The following COL4A1 variants were observed in gnomAD, a reference collection of about 807,000 sequenced individuals.
COL4A1 encodes the protein collagen alpha-1(IV) chain.
In COL4A1, 40 loss-of-function variants were observed where a neutral mutation model predicts 216.6. The ratio of observed to expected loss-of-function variants is 0.18; its 90% CI spans 0.14 to 0.24. COL4A1 has a LOEUF of 0.24. Among genes scored for constraint, COL4A1 ranks in the 10% least tolerant of loss-of-function variants. COL4A1 has a pLI of 1.00. For synonymous variants in COL4A1, 839 were observed against 810.7 expected, an observed-to-expected ratio of 1.03 and a Z score of -0.59; for missense variants, 1,628 against 2,196.8, an observed-to-expected ratio of 0.74 and a Z score of 5.18.
At chr13:110,260,735 C>G (rs1051201206) in intron 1 of COL4A1, among the ~76,000 whole-genome samples, 1 of 152,088 alleles carries the variant, frequency 6.6e-6, no homozygotes, top group Non-Finnish European at 1.5e-5. Context: ...TACTCACAGC[C>G]GGTGAACTCT....
At position 110,211,622 on chromosome 13, in the gene COL4A1, T is replaced by G. The variant is rs1205563724; in HGVS notation, c.468+25A>C. 6.2e-7 allele frequency: 1 copy of G among 1,608,498 alleles called. No homozygotes were observed. Among genetic ancestry groups the G allele is most frequent in the Non-Finnish European group, 8.5e-7 (1 of 1,178,070 alleles). ...AACAGATTCCCTGTAATGAATCCAA[T>G]AAAGCAAAATAAAATAAAATGTACC... On this transcript the variant is annotated intron_variant, in intron 8 of 51. Transcript: ENST00000375820. This position sits in a 1 kb window ranked among gnomAD's most constrained non-coding sequence, Gnocchi z 4.3.
chr13:110,208,722 A>G, intron 12 of COL4A1, 127 bp downstream of exon 12: 1 of 922,560 alleles, frequency 1.1e-6, no homozygotes, highest in Admixed American at 1.7e-5. Flanking sequence ...CTAACTACCA[A>G]ATGCAAGAAC....
At chr13:110,192,770 G>T in intron 23 of COL4A1, 60 bp downstream of exon 23, 1 of 1,450,294 alleles carries the variant, frequency 6.9e-7, no homozygotes, top group Non-Finnish European at 9.7e-7. Context: ...CCTTTCACAG[G>T]AAAGATGCCA....
At position 110,179,360 on chromosome 13, in the gene COL4A1, C is replaced by T; in HGVS notation, c.2255G>A (p.Gly752Asp). Residue 752 changes from glycine (G) to aspartate (D), a missense_variant, in exon 30 of 52, where the codon GGC becomes GAC. Transcript: ENST00000375820. The part of the protein sequence containing the change: ...KGLPGLPGIP[G>D]TPGEKGSIGV... Reference sequence around the variant, plus strand: ...AATGCTCCCCTTCTCCCCGGGTGTGCCAGGAATGCCGGGAAGACCTGGCAA... The same window carrying T: ...AATGCTCCCCTTCTCCCCGGGTGTGTCAGGAATGCCGGGAAGACCTGGCAA... The T allele has an allele frequency of 6.2e-7, 1 of 1,614,092 alleles. No individual in the cohort carries two copies. Among genetic ancestry groups the T allele is most frequent in the Non-Finnish European group, 8.5e-7 (1 of 1,180,022 alleles).
At chr13:110,178,862 C>T in intron 31 of COL4A1, 61 bp downstream of exon 31, 1 of 1,296,284 alleles carries the variant, frequency 7.7e-7, no homozygotes, top group South Asian at 1.3e-5. Context: ...CCGGCCTCAT[C>T]CCCCATGCTT....
At chr13:110,259,998 C>T (rs1182659500) in intron 1 of COL4A1, among the ~76,000 whole-genome samples, 5 of 152,156 alleles carry the variant, frequency 3.3e-5, no homozygotes, top group Non-Finnish European at 7.3e-5. Flanking sequence ...GATCATGCTA[C>T]CAGGCAACCT....
At chr13:110,228,948 C>A (rs889526311) in intron 2 of COL4A1, among the ~76,000 whole-genome samples, 2 of 152,166 alleles carry the variant, frequency 1.3e-5, no homozygotes, top group Non-Finnish European at 2.9e-5. Context: ...ATTGCTTCAA[C>A]TTGGAACGTG....
At chr13:110,254,252 G>A (rs536230894) in intron 1 of COL4A1, among the ~76,000 whole-genome samples, 4 of 152,146 alleles carry the variant, frequency 2.6e-5, no homozygotes, top group Non-Finnish European at 4.4e-5. Flanking sequence ...CACATTAAGC[G>A]AGAAATTCCA....
chr13:110,166,364 G>C (rs1005481755), intron 44 of COL4A1, 61 bp from the exon 45 acceptor site: 6 of 1,027,464 alleles, frequency 5.8e-6, no homozygotes, highest in Non-Finnish European at 9.3e-6. Context: ...AAATATGTGT[G>C]TGTATATATC....
intron 48 of COL4A1, among the ~76,000 whole-genome samples, chr13:110,161,655 T>G (rs973566729): frequency 6.7e-6 from 1 of 148,256 alleles, no homozygotes; most frequent in African/African-American, 2.4e-5. Flanking sequence ...ACAACAGTTT[T>G]GCAGAAAATG....
chr13:110,174,109 C>T (rs1877767945), intron 39 of COL4A1, 111 bp from the exon 40 acceptor site: 4 of 1,219,206 alleles, frequency 3.3e-6, no homozygotes, highest in African/African-American at 1.5e-5. Context: ...CCCTCCCAAG[C>T]ACACCTGGTT....
At chr13:110,242,591 T>C in intron 2 of COL4A1, 84 bp downstream of exon 2, 1 of 1,438,324 alleles carries the variant, frequency 7.0e-7, no homozygotes, top group Non-Finnish European at 9.8e-7. Context: ...TTCACCTGAA[T>C]TGCTGATTAT....
chr13:110,267,086 A>G (rs1883066348), intron 1 of COL4A1, among the ~76,000 whole-genome samples: 1 of 152,210 alleles, frequency 6.6e-6, no homozygotes, highest in Admixed American at 6.5e-5. Flanking sequence ...AGGATTAATC[A>G]CAAAGGAAAC....
chr13:110,246,714 G>T (rs1270342671), intron 1 of COL4A1, among the ~76,000 whole-genome samples: 1 of 152,170 alleles, frequency 6.6e-6, no homozygotes, highest in African/African-American at 2.4e-5. Flanking sequence ...TGACCCTACA[G>T]ATAAGCTCCC....
chr13:110,194,586 T>G (rs966898610), intron 22 of COL4A1, among the ~76,000 whole-genome samples: 6 of 152,162 alleles, frequency 3.9e-5, no homozygotes, highest in African/African-American at 1.4e-4. Context: ...TTGCTCACAC[T>G]GATGATGCAA....
intron 28 of COL4A1, among the ~76,000 whole-genome samples, chr13:110,181,719 T>C (rs563125127): frequency 3.7e-4 from 56 of 152,276 alleles, no homozygotes; most frequent in Admixed American, 7.8e-4. Flanking sequence ...AAGGGCACTT[T>C]ATTCATCTAC....
At chr13:110,206,795 G>T (rs1301919835) in intron 14 of COL4A1, 70 bp downstream of exon 14, 1 of 1,605,534 alleles carries the variant, frequency 6.2e-7, no homozygotes, top group Non-Finnish European at 8.5e-7. Context: ...AACTTAAGGT[G>T]AAAAAAACTT....
intron 49 of COL4A1, among the ~76,000 whole-genome samples, chr13:110,159,407 C>A (rs1017745548): frequency 1.3e-5 from 2 of 152,066 alleles, no homozygotes; most frequent in Non-Finnish European, 2.9e-5. Flanking sequence ...TCATAGGGGC[C>A]CCCTCACACC....
rs1879865972 is a variant in COL4A1 at position 110,212,611 on chromosome 13, G to A, written c.287C>T (p.Pro96Leu). The A allele has an allele frequency of 5.6e-6, 9 of 1,613,896 alleles. No homozygotes were observed. The highest frequency in any genetic ancestry group is 1.7e-4 in the Middle Eastern group (1 of 5,972). The change falls in exon 5 of 52, where the codon CCG (proline) becomes CTG (leucine). Residue 96 changes from proline to leucine, a missense_variant. Around this residue, in one of 8 missense-constraint regions of COL4A1, gnomAD observed 150 missense variants for 211.9 expected, o/e 0.71. Coordinates refer to ENST00000375820, the MANE Select transcript of COL4A1 (RefSeq NM_001845.6). ...LPGTKGTRGP[P>L]GASGYPGNPG... ...GTTTCCAGGGTAGCCAGATGCTCCC[G>A]GAGGTCCCTGTGAGGGCGGAAGTAA...
Sources: gnomAD v4.1 joint callset for allele counts (sites outside exome capture counted in the v4.1 genomes callset) on GRCh38, gnomAD v4.1.1 for gene constraint, gnomAD v4.1.1 regional missense constraint, Gnocchi (gnomAD v3.1) non-coding constraint, MANE v1.5 for transcripts, NCBI Gene and HGNC (gene_info 2026-07-23, HGNC 2026-07-21) for gene names.